The following GALNT6 variants were observed in gnomAD, a reference collection of about 807,000 sequenced individuals.
GALNT6 encodes the protein polypeptide N-acetylgalactosaminyltransferase 6.
Under a neutral mutation model 65.9 loss-of-function variants are expected in GALNT6, and 51 were observed. The ratio of observed to expected loss-of-function variants is 0.77; its 90% CI spans 0.62 to 0.98. The LOEUF is 0.98. Ranked by LOEUF, GALNT6 falls within the 50% of genes least tolerant of loss-of-function variation. GALNT6 has a pLI of 0.00. For synonymous variants in GALNT6, 323 were observed against 315.1 expected (o/e 1.02, Z -0.26); for missense variants, 708 against 803.3 (o/e 0.88, Z 1.43).
At chr12:51,386,905 C>T (rs1037628241) in intron 2 of GALNT6, among the ~76,000 whole-genome samples, 1 of 152,184 alleles carries the variant, frequency 6.6e-6, no homozygotes, top group African/African-American at 2.4e-5. Context: ...TCCTCCCACC[C>T]CTGACCCTTT....
chr12:51,379,765 C>G lies in GALNT6; in HGVS notation c.17G>C (p.Arg6Thr). 6.2e-7 allele frequency: 1 copy of G among 1,607,606 alleles called. No individual in the cohort carries two copies. Among genetic ancestry groups the G allele is most frequent in the East Asian group, 2.2e-5 (1 of 44,870 alleles). The change falls in exon 3 of 12, where the codon AGA becomes ACA. Residue 6 changes from arginine (R) to threonine (T), a missense_variant. By Grantham distance (71) the Arg-to-Thr change is moderately conservative (BLOSUM62 -1). Transcript: ENST00000356317. MRLLR[R>T]RHMPLRLAMV... ...GGCCAGGCGCAGGGGCATGTGGCGT[C>G]TGCGGAGGAGCCTCATCCTCCAGAA...
At position 51,377,179 on chromosome 12, in the gene GALNT6, G is replaced by A; in HGVS notation, c.664+16C>T. 6.2e-7 allele frequency: 1 copy of A among 1,612,038 alleles called. No homozygotes were observed. Among genetic ancestry groups the A allele is most frequent in the Non-Finnish European group, 8.5e-7 (1 of 1,179,164 alleles). On this transcript the variant is annotated intron_variant, in intron 4 of 11. Coordinates refer to ENST00000356317, the MANE Select transcript of GALNT6 (RefSeq NM_007210.4). ...GGGAGACCCCGGCCCCCTCCTCTGG[G>A]CCCCTCCAGCCTCACCCTCTGTGCT...
At chr12:51,390,156 C>CTTTCTTT (rs1413158644) in intron 2 of GALNT6, among the ~76,000 whole-genome samples, 20 of 116,302 alleles carry the variant, frequency 1.7e-4, no homozygotes, top group African/African-American at 2.7e-4. Flanking sequence ...TTCTTTCTTT[C>CTTTCTTT]TTTTTTTTTT....
At chr12:51,371,056 TTA>T (rs777853921) in intron 4 of GALNT6, among the ~76,000 whole-genome samples, 181 of 2,354 alleles carry the variant, frequency 0.077, no homozygotes, top group Admixed American at 0.19. Context: ...TTTTAAAAAA[TTA>T]TTATTATTAT....
intron 9 of GALNT6, 123 bp downstream of exon 9, chr12:51,358,007 G>T: frequency 1.1e-6 from 1 of 947,214 alleles, no homozygotes; most frequent in Non-Finnish European, 1.6e-6. Context: ...CCTCCTCCTG[G>T]ATAAAGGAGG....
chr12:51,377,385 C>A lies in GALNT6; in HGVS notation c.492-18G>T, dbSNP rs372284800. On this transcript the variant is annotated intron_variant, in intron 3 of 11. Transcript: ENST00000356317. The stretch of plus-strand genomic sequence containing the variant: ...CCACACACCTGGAAGTATGAAAGTA[C>A]GGACAAAGTTCTCCTGGTCCCTGGG... The A allele has an allele frequency of 1.2e-6, 2 of 1,610,478 alleles. No homozygotes were observed. The highest frequency in any genetic ancestry group is 1.7e-6 in the Non-Finnish European group (2 of 1,178,944).
chr12:51,380,950 A>G (rs1351712399), intron 2 of GALNT6, among the ~76,000 whole-genome samples: 3 of 152,120 alleles, frequency 2.0e-5, no homozygotes, highest in East Asian at 1.9e-4. Context: ...CCCTATACGT[A>G]TTTTATAAAT....
Position 51,365,500 on chromosome 12 carries a change from C to T in GALNT6, c.744G>A (p.Gly248=). ...VRVVRQEERK[G]LITARLLGAS... ...CCCCCAGCAGCCGGGCGGTGATCAG[C>T]CCCTTCCGCTCCTCCTGCCGCACCA... The change falls in exon 5 of 12, where the codon GGG becomes GGA. Residue 248 remains glycine (G), a synonymous_variant. Transcript: ENST00000356317. 6.2e-7 allele frequency: 1 copy of T among 1,612,530 alleles called. No individual in the cohort carries two copies. The highest frequency in any genetic ancestry group is 8.5e-7 in the Non-Finnish European group (1 of 1,179,998).
intron 6 of GALNT6, among the ~76,000 whole-genome samples, chr12:51,363,374 C>T (rs1246514198): frequency 1.3e-5 from 2 of 152,212 alleles, no homozygotes; most frequent in African/African-American, 4.8e-5. Flanking sequence ...ATTGTCTACC[C>T]TGCAGCTCAG....
intron 4 of GALNT6, among the ~76,000 whole-genome samples, chr12:51,366,065 G>T (rs984832917): frequency 1.3e-5 from 2 of 152,166 alleles, no homozygotes; most frequent in Non-Finnish European, 2.9e-5. Context: ...CTACAGGTGT[G>T]TGCAACCATG....
chr12:51,380,978 G>T (rs1947651621), intron 2 of GALNT6, among the ~76,000 whole-genome samples: 1 of 152,048 alleles, frequency 6.6e-6, no homozygotes, highest in Non-Finnish European at 1.5e-5. Context: ...GGCCAAGCAT[G>T]GTGTAATCCC....
intron 4 of GALNT6, among the ~76,000 whole-genome samples, chr12:51,369,520 C>T (rs1390740047): frequency 6.6e-6 from 1 of 152,226 alleles, no homozygotes; most frequent in Non-Finnish European, 1.5e-5. Flanking sequence ...TCACTCCTCA[C>T]AACTCAAGTC....
At chr12:51,381,707 T>C (rs1404115497) in intron 2 of GALNT6, among the ~76,000 whole-genome samples, 1 of 152,244 alleles carries the variant, frequency 6.6e-6, no homozygotes, top group Non-Finnish European at 1.5e-5. Context: ...TGGGGGCAAC[T>C]AATACCTAAC....
At position 51,379,894 on chromosome 12, in the gene GALNT6, G is replaced by A. The variant is rs973343647; in HGVS notation, c.-103-10C>T. 1.6e-5 allele frequency: 18 copies of A among 1,105,992 alleles called. No individual in the cohort carries two copies. The Admixed American group carries it at 5.0e-4, about 31-fold the overall frequency. 68.5% of individuals were successfully genotyped at this position (1,105,992 alleles called of 1,614,324 possible). A position where few individuals can be genotyped will look rare whatever the true frequency, so the allele number is the denominator to read the frequency against. ...AAGCTGGGGCCTCAGCCTGAGAAAG[G>A]AGGGGACAAGAGAGAGAAGTGAGCC... On this transcript the variant is annotated splice_polypyrimidine_tract_variant and intron_variant, in intron 2 of 11. Coordinates refer to ENST00000356317, the MANE Select transcript of GALNT6 (RefSeq NM_007210.4).
chr12:51,358,241 C>T lies in GALNT6; in HGVS notation c.1389G>A (p.Ser463=), dbSNP rs375728099. ...GTTGTTCCCTCAGCTGCAGTCGTTC[C>T]GAAATGTCACCGAAGGATTTCTGTC... ...MAQEKSFGDI[S]ERLQLREQLH... Residue 463 remains serine, a synonymous_variant, in exon 9 of 12, where the codon TCG becomes TCA. Coordinates refer to ENST00000356317, the MANE Select transcript of GALNT6 (RefSeq NM_007210.4). The T allele has an allele frequency of 5.9e-5, 95 of 1,613,422 alleles. No individual in the cohort carries two copies. The highest frequency in any genetic ancestry group is 7.4e-5 in the Non-Finnish European group (87 of 1,179,876).
intron 2 of GALNT6, among the ~76,000 whole-genome samples, chr12:51,381,075 TA>T (rs1947654757): frequency 6.6e-6 from 1 of 151,998 alleles, no homozygotes; most frequent in Non-Finnish European, 1.5e-5. Flanking sequence ...CCCATCTCAA[TA>T]AAAAATTTTA....
intron 10 of GALNT6, among the ~76,000 whole-genome samples, chr12:51,356,170 GTA>G (rs1481266436): frequency 6.8e-6 from 1 of 146,768 alleles, no homozygotes; most frequent in Non-Finnish European, 1.5e-5. Context: ...ATGTGTGTGT[GTA>G]TATATATATG....
rs923320016 is a variant in GALNT6, at chr12:51,387,090, T to C, written c.-104+3760A>G. ...TCCCCCAACATATCAAGGTTCATTT[T>C]ATGTTTGCATAATTTTTTTTTTTTT... On this transcript the variant is annotated intron_variant, in intron 2 of 11. Transcript: ENST00000356317. The surrounding 1 kb of genome is among the most constrained non-coding windows in gnomAD (Gnocchi z 4.2). 6.6e-6 allele frequency among the ~76,000 whole-genome samples: 1 copy of C among 152,170 alleles called. No individual in the cohort carries two copies. The highest frequency in any genetic ancestry group is 2.4e-5 in the African/African-American group (1 of 41,424).
intron 4 of GALNT6, among the ~76,000 whole-genome samples, chr12:51,369,446 C>T (rs1467113407): frequency 6.6e-6 from 1 of 152,160 alleles, no homozygotes; most frequent in Admixed American, 6.5e-5. Flanking sequence ...CCCAGCCACA[C>T]ACTCATGTCC....
Sources: gnomAD v4.1 joint callset for allele counts (sites outside exome capture counted in the v4.1 genomes callset) on GRCh38, gnomAD v4.1.1 for gene constraint, Gnocchi (gnomAD v3.1) non-coding constraint, MANE v1.5 for transcripts, NCBI Gene and HGNC (gene_info 2026-07-23, HGNC 2026-07-21) for gene names.